Variants in NSMCE4A observed in about 807,000 individuals in gnomAD.
NSMCE4A encodes non-structural maintenance of chromosomes element 4 homolog A.
In NSMCE4A, 40 loss-of-function variants were observed where a neutral mutation model predicts 47.9. That is an observed-to-expected ratio of 0.83 (90% CI 0.65 to 1.09). NSMCE4A has a LOEUF of 1.09. Among genes scored for constraint, NSMCE4A ranks in the 50% least tolerant of loss-of-function variants. The pLI is 0.00. For synonymous variants in NSMCE4A, 166 were observed against 178.5 expected (o/e 0.93, Z 0.56); for missense variants, 500 against 507.0 (o/e 0.99, Z 0.13).
At chr10:121,964,946 G>A (rs1952578275) in intron 5 of NSMCE4A, among the ~76,000 whole-genome samples, 1 of 152,088 alleles carries the variant, frequency 6.6e-6, no homozygotes, top group Non-Finnish European at 1.5e-5. Flanking sequence ...GGGTCGGGGG[G>A]GCTATTAGCA....
intron 5 of NSMCE4A, among the ~76,000 whole-genome samples, chr10:121,964,351 G>A (rs1952564178): frequency 6.6e-6 from 1 of 152,046 alleles, no homozygotes; most frequent in Non-Finnish European, 1.5e-5. Context: ...CACCATGTTG[G>A]CCAGGCTGGT....
At chr10:121,962,787 T>G (rs538598624) in intron 6 of NSMCE4A, among the ~76,000 whole-genome samples, 1 of 152,054 alleles carries the variant, frequency 6.6e-6, no homozygotes, top group Non-Finnish European at 1.5e-5. Context: ...TAATTTTGTA[T>G]TTTTAGTAGA....
intron 6 of NSMCE4A, chr10:121,961,836 C>A (rs920343638): frequency 8.0e-6 from 2 of 251,530 alleles, no homozygotes; most frequent in Non-Finnish European, 1.5e-5. Context: ...GGGCATGGCA[C>A]TCACACCTGT....
intron 3 of NSMCE4A, among the ~76,000 whole-genome samples, chr10:121,970,302 C>T (rs1484118143): frequency 6.6e-6 from 1 of 151,568 alleles, no homozygotes; most frequent in Non-Finnish European, 1.5e-5. Flanking sequence ...GAAACCCCGT[C>T]TCTACTAAAA....
chr10:121,964,050 C>T (rs1240370697), intron 5 of NSMCE4A, among the ~76,000 whole-genome samples: 1 of 136,694 alleles, frequency 7.3e-6, no homozygotes, highest in Non-Finnish European at 1.5e-5. Context: ...GAGCCGAGAT[C>T]GCGCCACTGC....
intron 8 of NSMCE4A, 146 bp from the exon 9 acceptor site, chr10:121,959,741 A>G: frequency 3.2e-6 from 2 of 622,528 alleles, no homozygotes; most frequent in South Asian, 4.0e-5. Flanking sequence ...TTCATGCATT[A>G]TGGAGCTGCT....
At chr10:121,971,601 C>G in intron 2 of NSMCE4A, among the ~76,000 whole-genome samples, 1 of 152,232 alleles carries the variant, frequency 6.6e-6, no homozygotes, top group East Asian at 1.9e-4. Flanking sequence ...AGCCAGCTTT[C>G]TGTCTAGTTC....
At chr10:121,970,071 G>A (rs1033533130) in intron 3 of NSMCE4A, among the ~76,000 whole-genome samples, 1 of 152,158 alleles carries the variant, frequency 6.6e-6, no homozygotes, top group Non-Finnish European at 1.5e-5. Context: ...GTCTCTGTGT[G>A]CTTTTTCTTT....
chr10:121,973,632 A>C (rs1952760590), intron 2 of NSMCE4A, among the ~76,000 whole-genome samples: 1 of 152,230 alleles, frequency 6.6e-6, no homozygotes, highest in African/African-American at 2.4e-5. Flanking sequence ...GGACAGGAAA[A>C]GAAACAGGAT....
intron 10 of NSMCE4A, among the ~76,000 whole-genome samples, chr10:121,958,697 G>A (rs1247743755): frequency 6.6e-6 from 1 of 151,552 alleles, no homozygotes; most frequent in East Asian, 1.9e-4. Flanking sequence ...CATCCCTTGA[G>A]CCCAGGAGTT....
Position 121,965,338 on chromosome 10 carries a change from T to C in NSMCE4A, c.701A>G (p.Asp234Gly). Residue 234 changes from aspartate to glycine, a missense_variant, in exon 5 of 11, where the codon GAT becomes GGT. By Grantham distance (94) the Asp-to-Gly change is moderately conservative (BLOSUM62 -1). Transcript: ENST00000369023. ...TATCACAGGAACTTTTCTTGGACGA[T>C]CAACTCGTGGCTTTGGCACAGGGCA... ...GECPVPKPRV[D>G]RPRKVPVIQE... The C allele has an allele frequency of 6.2e-7, 1 of 1,614,066 alleles. No individual in the cohort carries two copies. The highest frequency in any genetic ancestry group is 8.5e-7 in the Non-Finnish European group (1 of 1,179,954).
At chr10:121,968,663 C>T (rs58738301) in intron 3 of NSMCE4A, among the ~76,000 whole-genome samples, 1,909 of 152,230 alleles carry the variant, frequency 0.013, 38 homozygotes, top group African/African-American at 0.043. Flanking sequence ...ATTTTTATTA[C>T]ATTATACTGT....
chr10:121,964,947 G>T lies in NSMCE4A; in HGVS notation c.753+339C>A, dbSNP rs903515605. On this transcript the variant is annotated intron_variant, in intron 5 of 10. Coordinates refer to ENST00000369023, the MANE Select transcript of NSMCE4A (RefSeq NM_017615.3). ...TTGTCACAACTCAGGGGTCGGGGGG[G>T]CTATTAGCATATAACAGGTAGAGGC... Among the ~76,000 whole-genome samples the T allele has an allele frequency of 7.2e-5, 11 of 152,248 alleles. No individual in the cohort carries two copies. The South Asian group carries it at 2.3e-3, about 32-fold the overall frequency.
At chr10:121,974,435 A>G (rs1952776568) in intron 1 of NSMCE4A, 1 of 1,021,216 alleles carries the variant, frequency 9.8e-7, no homozygotes, top group Non-Finnish European at 1.2e-6. Flanking sequence ...CCACCCAGAG[A>G]TTCGAATTCC....
intron 2 of NSMCE4A, among the ~76,000 whole-genome samples, chr10:121,972,602 G>A (rs1952736436): frequency 1.3e-5 from 2 of 152,172 alleles, no homozygotes; most frequent in Non-Finnish European, 2.9e-5. Context: ...GCTGAGGGGG[G>A]AATGATGTGG....
Position 121,960,473 on chromosome 10 carries a change from GA to G in NSMCE4A, c.940-68del, listed in dbSNP as rs1952478518. On this transcript the variant is annotated intron_variant, in intron 7 of 10. Coordinates refer to ENST00000369023, the MANE Select transcript of NSMCE4A (RefSeq NM_017615.3). This position sits in a 1 kb window ranked among gnomAD's most constrained non-coding sequence, Gnocchi z 4.2. ...GACTCAAACCTATACGCACTAGATGGAAAAAATTACTCAGAAAATTCAGTAT... is the reference window on the plus strand; with the variant it reads ...GACTCAAACCTATACGCACTAGATGGAAAAATTACTCAGAAAATTCAGTAT... 5 of 1,161,336 alleles carry G rather than the reference GA, an allele frequency of 4.3e-6. No homozygotes were observed. The South Asian group carries it at 6.7e-5, about 16-fold the overall frequency. The allele number at this position is 1,161,336 out of a possible 1,614,324, so 71.9% of individuals were successfully genotyped here. A position where few individuals can be genotyped will look rare whatever the true frequency, so the allele number is the denominator to read the frequency against.
Position 121,961,006 on chromosome 10 carries a change from G to A in NSMCE4A, c.939+417C>T, listed in dbSNP as rs1341375223. 2.6e-5 allele frequency among the ~76,000 whole-genome samples: 4 copies of A among 151,956 alleles called. No individual in the cohort carries two copies. The East Asian group carries it at 5.8e-4, about 22-fold the overall frequency. On this transcript the variant is annotated intron_variant, in intron 7 of 10. Transcript: ENST00000369023. Reference sequence around the variant, plus strand: ...CAGTCGTTAAAGTGTTAGTTACCACGTTTACTTTATCACTCTACATATTAT... The same window carrying A: ...CAGTCGTTAAAGTGTTAGTTACCACATTTACTTTATCACTCTACATATTAT...
intron 10 of NSMCE4A, 103 bp downstream of exon 10, chr10:121,959,221 G>A: frequency 1.1e-6 from 1 of 942,604 alleles, no homozygotes. Flanking sequence ...GGGCACTACA[G>A]GGAGGCAAAA....
rs370126633 is a variant in NSMCE4A at position 121,974,055 on chromosome 10, C to T, written c.319G>A (p.Gly107Ser). The T allele has an allele frequency of 2.4e-5, 38 of 1,605,852 alleles. No individual in the cohort carries two copies. Among genetic ancestry groups the T allele is most frequent in the Non-Finnish European group, 3.2e-5 (38 of 1,175,014 alleles). Residue 107 changes from glycine to serine, a missense_variant, in exon 2 of 11, where the codon GGT (glycine) becomes AGT (serine). Gly to Ser is a moderately conservative substitution (Grantham distance 56). Coordinates refer to ENST00000369023, the MANE Select transcript of NSMCE4A (RefSeq NM_017615.3). ...QQNREDILNA[G>S]DKLTEVLEEA... ...TCAAGGACCTCTGTTAATTTGTCAC[C>T]GGCATTCAGTATGTCCTCACGGTTT...
Sources: allele counts gnomAD v4.1 joint callset (sites outside exome capture counted in the v4.1 genomes callset), GRCh38; gene constraint gnomAD v4.1.1; non-coding constraint Gnocchi (gnomAD v3.1); transcripts MANE v1.5; gene names NCBI Gene and HGNC (gene_info 2026-07-23, HGNC 2026-07-21).